ROCK2: variants seen among roughly 807,000 people sequenced by gnomAD.
ROCK2 encodes the protein Rho associated coiled-coil containing protein kinase 2, also known as rho-associated protein kinase 2.
Under a neutral mutation model 195.1 loss-of-function variants are expected in ROCK2, and 61 were observed. The ratio of observed to expected loss-of-function variants is 0.31; its 90% confidence interval spans 0.25 to 0.39. ROCK2 has a LOEUF of 0.39. Ranked by LOEUF, ROCK2 falls within the 10% of genes least tolerant of loss-of-function variation. The pLI is 1.00. For synonymous variants in ROCK2, 504 were observed against 545.5 expected (o/e 0.92, Z 1.06); for missense variants, 1,109 against 1,637.4 (o/e 0.68, Z 5.57).
chr2:11,205,467 T>C (rs1196835974), intron 20 of ROCK2, among the ~76,000 whole-genome samples: 3 of 152,190 alleles, frequency 2.0e-5, no homozygotes, highest in African/African-American at 7.2e-5. Context: ...TTATTTATTG[T>C]GGGTTTATAT....
chr2:11,226,199 C>T (rs923593202), intron 6 of ROCK2, among the ~76,000 whole-genome samples: 15 of 152,212 alleles, frequency 9.9e-5, no homozygotes, highest in African/African-American at 3.4e-4. Context: ...CCCCATGCCA[C>T]GTCACTGGCT....
At chr2:11,223,447 T>C (rs1431825868) in intron 7 of ROCK2, among the ~76,000 whole-genome samples, 1 of 152,156 alleles carries the variant, frequency 6.6e-6, no homozygotes, top group Non-Finnish European at 1.5e-5. Flanking sequence ...CTATAAAAAG[T>C]ATGCAGAGAT....
In ROCK2 at chr2:11,301,639, G is replaced by A. The variant is rs144476805; in HGVS notation, c.142-13903C>T. Among the ~76,000 whole-genome samples, 1,363 of 151,780 alleles carry A rather than the reference G, an allele frequency of 9.0e-3. 16 individuals carry two copies. Among genetic ancestry groups the A allele is most frequent in the African/African-American group, 0.031 (1,283 of 41,406 alleles). ...TAAAAATACAAAAAATTAGCCAAGCGTGGTGGCAGGTGCCTGTAATTTCAG... is the reference window on the plus strand; with the variant it reads ...TAAAAATACAAAAAATTAGCCAAGCATGGTGGCAGGTGCCTGTAATTTCAG... On this transcript the variant is annotated intron_variant, in intron 1 of 32. Transcript: ENST00000315872.
intron 3 of ROCK2, among the ~76,000 whole-genome samples, chr2:11,257,531 G>C (rs1173195821): frequency 6.6e-6 from 1 of 151,460 alleles, no homozygotes; most frequent in African/African-American, 2.5e-5. Context: ...TAGCCTTGCT[G>C]TGAGTTTCTT....
intron 1 of ROCK2, among the ~76,000 whole-genome samples, chr2:11,311,648 A>C (rs1200610794): frequency 1.3e-5 from 2 of 152,214 alleles, no homozygotes; most frequent in Non-Finnish European, 2.9e-5. Flanking sequence ...TCCTGAAGAC[A>C]ATGTTACCTA....
chr2:11,262,009 C>G (rs1666243946), intron 3 of ROCK2, among the ~76,000 whole-genome samples: 1 of 152,122 alleles, frequency 6.6e-6, no homozygotes, highest in South Asian at 2.1e-4. Flanking sequence ...ATTCAGCACA[C>G]AGAATATCCT....
At chr2:11,265,020 T>C (rs1444703855) in intron 3 of ROCK2, among the ~76,000 whole-genome samples, 7 of 152,192 alleles carry the variant, frequency 4.6e-5, no homozygotes, top group African/African-American at 1.7e-4. Context: ...ATGTGAACTT[T>C]GGGGGTTATT....
chr2:11,342,876 GTC>G (rs1199388245), intron 1 of ROCK2, among the ~76,000 whole-genome samples: 1 of 152,162 alleles, frequency 6.6e-6, no homozygotes, highest in Non-Finnish European at 1.5e-5. Context: ...ACAGGACTGA[GTC>G]ACTCTGCAAA....
chr2:11,252,158 C>A (rs767850046), intron 3 of ROCK2, among the ~76,000 whole-genome samples: 40 of 152,142 alleles, frequency 2.6e-4, no homozygotes, highest in Non-Finnish European at 5.9e-4. Context: ...CGCCTGTAAA[C>A]CCAGCACTTT....
rs749178049 is a variant in ROCK2 at position 11,287,623 on chromosome 2, T to C, written c.223+32A>G. ...AAATCTCTTATCAAAAGTAGAGTTATAAGATCAAATATGAAGTTTAAACAT... is the reference window on the plus strand; with the variant it reads ...AAATCTCTTATCAAAAGTAGAGTTACAAGATCAAATATGAAGTTTAAACAT... On this transcript the variant is annotated intron_variant, in intron 2 of 32. Transcript: ENST00000315872. The C allele has an allele frequency of 4.0e-5, 26 of 642,090 alleles. 1 individual carries two copies. The Middle Eastern group carries it at 6.8e-3, about 167-fold the overall frequency. 39.8% of individuals were successfully genotyped at this position (642,090 alleles called of 1,614,324 possible).
At chr2:11,186,471 G>A (rs1052123640) in intron 32 of ROCK2, among the ~76,000 whole-genome samples, 3 of 152,042 alleles carry the variant, frequency 2.0e-5, no homozygotes, top group East Asian at 1.9e-4. Context: ...TCATCCCTTC[G>A]AATCAGTCAT....
chr2:11,278,235 T>C (rs186254300), intron 3 of ROCK2, among the ~76,000 whole-genome samples: 1 of 152,348 alleles, frequency 6.6e-6, no homozygotes, highest in East Asian at 1.9e-4. Flanking sequence ...TCTCCCTAGC[T>C]GCTGGTAACC....
intron 1 of ROCK2, among the ~76,000 whole-genome samples, chr2:11,299,995 C>A (rs1667655900): frequency 6.6e-6 from 1 of 152,140 alleles, no homozygotes; most frequent in African/African-American, 2.4e-5. Flanking sequence ...GAATGATGAG[C>A]AAGTCTCGGA....
chr2:11,224,980 T>G (rs1273423172), intron 6 of ROCK2, among the ~76,000 whole-genome samples: 1 of 152,208 alleles, frequency 6.6e-6, no homozygotes, highest in Non-Finnish European at 1.5e-5. Context: ...TTGTAACCAA[T>G]GGTCACCACA....
In ROCK2 at chr2:11,180,588, C is replaced by G. The variant is rs990680834; in HGVS notation, c.*2849G>C. 6.6e-6 allele frequency: 1 copy of G among 152,222 alleles called. No homozygotes were observed. 9.4% of individuals were successfully genotyped at this position (152,222 alleles called of 1,614,324 possible). A position where few individuals can be genotyped will look rare whatever the true frequency, so the allele number is the denominator to read the frequency against. On this transcript the variant is annotated 3_prime_UTR_variant, in exon 33 of 33. Coordinates refer to ENST00000315872, the MANE Select transcript of ROCK2 (RefSeq NM_004850.5). ...TTTCCTTTCACTTCTGTCTCGTTAT[C>G]CCCACAAAACAAAAGTAAAAAATCC...
At chr2:11,184,668 CATTT>C (rs1210697711) in intron 32 of ROCK2, 2 of 984,652 alleles carry the variant, frequency 2.0e-6, no homozygotes, top group Non-Finnish European at 2.4e-6. Flanking sequence ...TGATTTACCC[CATTT>C]ATTTCTTCAG....
intron 1 of ROCK2, among the ~76,000 whole-genome samples, chr2:11,294,583 T>C (rs750650231): frequency 2.6e-5 from 4 of 152,166 alleles, no homozygotes; most frequent in Admixed American, 6.5e-5. Context: ...GGCCCAATGC[T>C]GCTTTGAATA....
At chr2:11,268,282 C>A (rs1666490291) in intron 3 of ROCK2, among the ~76,000 whole-genome samples, 3 of 152,086 alleles carry the variant, frequency 2.0e-5, no homozygotes, top group African/African-American at 7.2e-5. Flanking sequence ...TTGAAAGGGA[C>A]CCAGTTATAG....
chr2:11,330,861 GGAGGAGGAGGGAGGAAGAGGAAT>G (rs1668718849), intron 1 of ROCK2, among the ~76,000 whole-genome samples: 5 of 60,290 alleles, frequency 8.3e-5, no homozygotes, highest in Non-Finnish European at 1.4e-4. Context: ...GGAGGAAGAG[GGAGGAGGAGGGAGGAAGAGGAAT>G]GAGGAGGAGG....
Sources: allele counts gnomAD v4.1 joint callset (sites outside exome capture counted in the v4.1 genomes callset), GRCh38; gene constraint gnomAD v4.1.1; transcripts MANE v1.5; gene names NCBI Gene and HGNC (gene_info 2026-07-23, HGNC 2026-07-21).